Variants in ARHGAP15 observed in about 807,000 individuals in gnomAD.
The protein encoded by ARHGAP15 is rho GTPase-activating protein 15.
ARHGAP15 carries 51 observed loss-of-function variants against 63.7 expected under a neutral mutation model. The ratio of observed to expected loss-of-function variants is 0.80; its 90% CI spans 0.64 to 1.01. ARHGAP15 has a LOEUF of 1.01. Ranked by LOEUF, ARHGAP15 falls within the 50% of genes least tolerant of loss-of-function variation. The probability of loss-of-function intolerance (pLI) is 0.00; values close to 1 mark genes in which losing one functional copy is unlikely to be tolerated. For missense variants in ARHGAP15, 560 were observed against 564.6 expected, an observed-to-expected ratio of 0.99 and a Z score of 0.08; for synonymous variants, 191 against 193.8, an observed-to-expected ratio of 0.99 and a Z score of 0.12.
intron 6 of ARHGAP15, among the ~76,000 whole-genome samples, chr2:143,274,301 T>C (rs2105061296): frequency 6.6e-6 from 1 of 152,202 alleles, no homozygotes; most frequent in South Asian, 2.1e-4. Flanking sequence ...ATAACTAGTT[T>C]GTTTCCACAG....
intron 6 of ARHGAP15, among the ~76,000 whole-genome samples, chr2:143,251,330 A>G (rs1360735662): frequency 6.6e-6 from 1 of 152,040 alleles, no homozygotes; most frequent in Non-Finnish European, 1.5e-5. Context: ...TTTAGAATTT[A>G]TATAATTTAG....
At chr2:143,662,095 G>A (rs536158800) in intron 12 of ARHGAP15, among the ~76,000 whole-genome samples, 90 of 152,368 alleles carry the variant, frequency 5.9e-4, no homozygotes, top group African/African-American at 2.1e-3. Context: ...GCCTGCCTCT[G>A]TAGGCTCCAC....
At chr2:143,715,382 C>T (rs1179073642) in intron 13 of ARHGAP15, among the ~76,000 whole-genome samples, 1 of 152,190 alleles carries the variant, frequency 6.6e-6, no homozygotes, top group African/African-American at 2.4e-5. Context: ...ACAGCCAAAC[C>T]ATATCACCTG....
At chr2:143,577,920 T>C (rs1236792988) in intron 11 of ARHGAP15, among the ~76,000 whole-genome samples, 1 of 152,170 alleles carries the variant, frequency 6.6e-6, no homozygotes, top group African/African-American at 2.4e-5. Flanking sequence ...ATTTTTACAG[T>C]TAAGACAAAA....
At chr2:143,412,099 G>A (rs576100621) in intron 6 of ARHGAP15, among the ~76,000 whole-genome samples, 160 of 152,286 alleles carry the variant, frequency 1.1e-3, no homozygotes, top group African/African-American at 3.6e-3. Flanking sequence ...TTGGGCCAGA[G>A]AAGTGACATG....
intron 1 of ARHGAP15, among the ~76,000 whole-genome samples, chr2:143,140,614 A>T (rs1283154966): frequency 6.6e-6 from 1 of 152,138 alleles, no homozygotes; most frequent in Non-Finnish European, 1.5e-5. Flanking sequence ...GGAACATATA[A>T]AAGGAAACTA....
chr2:143,349,814 A>G (rs939480044), intron 6 of ARHGAP15, among the ~76,000 whole-genome samples: 10 of 152,142 alleles, frequency 6.6e-5, no homozygotes, highest in South Asian at 2.1e-4. Context: ...GAGCAAGTGC[A>G]TTACCTTTCT....
intron 13 of ARHGAP15, among the ~76,000 whole-genome samples, chr2:143,730,892 TAAAAA>T (rs1158246680): frequency 2.5e-3 from 208 of 84,030 alleles, no homozygotes; most frequent in African/African-American, 7.4e-3. Context: ...AGCACTCCTT[TAAAAA>T]AAAAAAAAAA....
intron 13 of ARHGAP15, among the ~76,000 whole-genome samples, chr2:143,722,303 T>A (rs79643478): frequency 0.021 from 3,125 of 152,194 alleles, 56 homozygotes; most frequent in Non-Finnish European, 0.028. Flanking sequence ...GGAGTTTAAA[T>A]ATACATTTAT....
intron 6 of ARHGAP15, among the ~76,000 whole-genome samples, chr2:143,275,517 G>A (rs1221393727): frequency 6.6e-6 from 1 of 152,180 alleles, no homozygotes; most frequent in Non-Finnish European, 1.5e-5. Flanking sequence ...ACTATTTGAT[G>A]AGCTGAATTC....
At chr2:143,393,854 C>G (rs1051783700) in intron 6 of ARHGAP15, among the ~76,000 whole-genome samples, 5 of 151,312 alleles carry the variant, frequency 3.3e-5, no homozygotes, top group African/African-American at 4.9e-5. Context: ...TATTACCGTA[C>G]AGCCGATCTG....
intron 2 of ARHGAP15, among the ~76,000 whole-genome samples, chr2:143,182,526 G>A (rs1335213996): frequency 1.3e-5 from 2 of 152,184 alleles, no homozygotes; most frequent in East Asian, 3.9e-4. Flanking sequence ...GAGGAAAAGA[G>A]GAGAGAGAAT....
chr2:143,344,064 C>G (rs1442600174), intron 6 of ARHGAP15: 2 of 152,078 alleles, frequency 1.3e-5, no homozygotes, highest in African/African-American at 4.8e-5. Flanking sequence ...GATTGCCAGG[C>G]AGGCTTTGAG....
At chr2:143,388,393 G>A (rs371878436) in intron 6 of ARHGAP15, among the ~76,000 whole-genome samples, 1 of 152,114 alleles carries the variant, frequency 6.6e-6, no homozygotes, top group Admixed American at 6.6e-5. Flanking sequence ...TCTGTACTTG[G>A]TTTACTTTGT....
At chr2:143,723,404 C>T (rs940693830) in intron 13 of ARHGAP15, among the ~76,000 whole-genome samples, 3 of 152,182 alleles carry the variant, frequency 2.0e-5, no homozygotes, top group African/African-American at 7.2e-5. Flanking sequence ...GTTCTCTTAA[C>T]GTGACTACGG....
intron 13 of ARHGAP15, among the ~76,000 whole-genome samples, chr2:143,709,474 T>G (rs770988768): frequency 2.0e-5 from 3 of 152,226 alleles, no homozygotes; most frequent in Non-Finnish European, 4.4e-5. Flanking sequence ...GTAAAATAGG[T>G]TGAAAGTTAA....
intron 8 of ARHGAP15, among the ~76,000 whole-genome samples, chr2:143,456,733 C>A (rs1221366185): frequency 6.6e-6 from 1 of 151,712 alleles, no homozygotes; most frequent in Non-Finnish European, 1.5e-5. Context: ...TCTATTATAC[C>A]TTTTATAGGC....
intron 9 of ARHGAP15, among the ~76,000 whole-genome samples, chr2:143,489,869 C>A (rs1692501140): frequency 6.6e-6 from 1 of 152,180 alleles, no homozygotes; most frequent in Non-Finnish European, 1.5e-5. Flanking sequence ...TCTTCCAGAT[C>A]GGCACAAAAG....
chr2:143,231,841 T>C (rs1299323346), intron 5 of ARHGAP15, among the ~76,000 whole-genome samples: 2 of 152,226 alleles, frequency 1.3e-5, no homozygotes, highest in Non-Finnish European at 2.9e-5. Context: ...GTCTTCTCAC[T>C]GTATCCTCAC....
Sources: gnomAD v4.1 joint callset for allele counts (sites outside exome capture counted in the v4.1 genomes callset) on GRCh38, gnomAD v4.1.1 for gene constraint, MANE v1.5 for transcripts, NCBI Gene and HGNC (gene_info 2026-07-23, HGNC 2026-07-21) for gene names.